Variants in DACH1 observed in about 807,000 individuals in gnomAD.
DACH1 encodes dachshund family transcription factor 1.
Under a neutral mutation model 54.2 loss-of-function variants are expected in DACH1, and 12 were observed. The ratio of observed to expected loss-of-function variants is 0.22; its 90% CI spans 0.14 to 0.36. The LOEUF (loss-of-function observed/expected upper bound fraction) is 0.36, where lower values mean the gene tolerates loss of function less well. Among genes scored for constraint, DACH1 ranks in the 10% least tolerant of loss-of-function variants. The pLI is 1.00. For synonymous variants in DACH1, 386 were observed against 366.2 expected (o/e 1.05, Z -0.62); for missense variants, 805 against 929.8 (o/e 0.87, Z 1.75).
chr13:71,701,592 G>A (rs1882139044), intron 1 of DACH1, among the ~76,000 whole-genome samples: 1 of 152,100 alleles, frequency 6.6e-6, no homozygotes, highest in East Asian at 1.9e-4. Flanking sequence ...GGATTGATAG[G>A]AGGTAGTTAA....
intron 2 of DACH1, among the ~76,000 whole-genome samples, chr13:71,639,266 A>G (rs888493325): frequency 1.3e-5 from 2 of 152,164 alleles, no homozygotes; most frequent in Non-Finnish European, 2.9e-5. Context: ...TGAATGATTA[A>G]ATAACCAGAA....
At chr13:71,624,787 C>T (rs150327326) in intron 3 of DACH1, among the ~76,000 whole-genome samples, 6 of 152,018 alleles carry the variant, frequency 3.9e-5, no homozygotes, top group Admixed American at 2.0e-4. Flanking sequence ...AAAGGATTAA[C>T]TCTCATATCC....
intron 5 of DACH1, among the ~76,000 whole-genome samples, chr13:71,559,259 C>G (rs1215955085): frequency 6.6e-6 from 1 of 152,100 alleles, no homozygotes; most frequent in Non-Finnish European, 1.5e-5. Flanking sequence ...TATGGCAATA[C>G]TATGCATTAT....
intron 1 of DACH1, among the ~76,000 whole-genome samples, chr13:71,726,212 A>T (rs1224314974): frequency 2.0e-5 from 3 of 152,116 alleles, no homozygotes; most frequent in Non-Finnish European, 4.4e-5. Flanking sequence ...CGCATGTTGA[A>T]GCCCTATAAG....
chr13:71,766,859 CTTAA>C (rs1478809749), intron 1 of DACH1, among the ~76,000 whole-genome samples: 5 of 151,208 alleles, frequency 3.3e-5, no homozygotes, highest in Admixed American at 6.6e-5. Context: ...AAAGCTCTCA[CTTAA>C]TTAAAGGCCA....
chr13:71,561,459 T>C (rs949765361), intron 4 of DACH1, among the ~76,000 whole-genome samples: 2 of 152,216 alleles, frequency 1.3e-5, no homozygotes, highest in South Asian at 4.1e-4. Context: ...CATGTGACCA[T>C]AGAGGAAGAG....
At chr13:71,719,606 C>T (rs1883138981) in intron 1 of DACH1, among the ~76,000 whole-genome samples, 1 of 152,080 alleles carries the variant, frequency 6.6e-6, no homozygotes, top group East Asian at 1.9e-4. Context: ...ACTTTTCTTT[C>T]CATCAAAAAC....
chr13:71,655,052 T>G (rs1878997286), intron 2 of DACH1, among the ~76,000 whole-genome samples: 1 of 152,192 alleles, frequency 6.6e-6, no homozygotes, highest in Non-Finnish European at 1.5e-5. Flanking sequence ...GCTGAAGATG[T>G]AAAACTAGAA....
chr13:71,620,430 A>G (rs2138540702), intron 3 of DACH1, among the ~76,000 whole-genome samples: 1 of 152,116 alleles, frequency 6.6e-6, no homozygotes, highest in East Asian at 1.9e-4. Flanking sequence ...TTGAAAATCT[A>G]TCTTTTTTTT....
intron 10 of DACH1, among the ~76,000 whole-genome samples, chr13:71,452,730 G>A (rs1225758202): frequency 2.0e-5 from 3 of 152,268 alleles, no homozygotes; most frequent in Non-Finnish European, 4.4e-5. Context: ...GTGGACATTA[G>A]CTAGATTCTA....
chr13:71,657,639 C>A (rs971191834), intron 2 of DACH1, among the ~76,000 whole-genome samples: 21 of 150,270 alleles, frequency 1.4e-4, no homozygotes, highest in African/African-American at 3.9e-4. Flanking sequence ...GCTCATTTGA[C>A]TTTCTAGTGG....
intron 1 of DACH1, among the ~76,000 whole-genome samples, chr13:71,745,728 G>A (rs956927468): frequency 6.6e-6 from 1 of 152,100 alleles, no homozygotes; most frequent in African/African-American, 2.4e-5. Flanking sequence ...TTCACCAACT[G>A]GAGTAAGACT....
At chr13:71,736,485 A>T (rs1021071682) in intron 1 of DACH1, among the ~76,000 whole-genome samples, 2 of 152,168 alleles carry the variant, frequency 1.3e-5, no homozygotes, top group Non-Finnish European at 2.9e-5. Flanking sequence ...TACAGATTTT[A>T]AAATATATAT....
At chr13:71,448,706 T>A (rs1874698851) in intron 10 of DACH1, among the ~76,000 whole-genome samples, 1 of 152,186 alleles carries the variant, frequency 6.6e-6, no homozygotes, top group Non-Finnish European at 1.5e-5. Flanking sequence ...GTTCTTCTCA[T>A]GAAATGCAGA....
intron 3 of DACH1, among the ~76,000 whole-genome samples, chr13:71,626,093 T>C (rs889406325): frequency 4.6e-5 from 7 of 151,914 alleles, no homozygotes; most frequent in African/African-American, 1.7e-4. Context: ...TGCAGTCTTT[T>C]CCTGCCTCTT....
intron 3 of DACH1, among the ~76,000 whole-genome samples, chr13:71,598,710 C>T (rs749062194): frequency 1.3e-5 from 2 of 152,118 alleles, no homozygotes; most frequent in African/African-American, 2.4e-5. Flanking sequence ...ACTCTGTATT[C>T]GAAAATTTAT....
intron 6 of DACH1, among the ~76,000 whole-genome samples, chr13:71,506,680 G>A (rs1304914530): frequency 2.0e-5 from 3 of 151,562 alleles, no homozygotes; most frequent in Non-Finnish European, 2.9e-5. Flanking sequence ...AGTAACCAAA[G>A]CAGCATGGTA....
chr13:71,669,834 A>G (rs1880103747), intron 2 of DACH1, among the ~76,000 whole-genome samples: 1 of 152,200 alleles, frequency 6.6e-6, no homozygotes, highest in Non-Finnish European at 1.5e-5. Context: ...GTAATGGCTG[A>G]ACAAGTGAGG....
intron 3 of DACH1, among the ~76,000 whole-genome samples, chr13:71,608,281 A>G (rs961176817): frequency 6.6e-6 from 1 of 152,180 alleles, no homozygotes; most frequent in East Asian, 1.9e-4. Flanking sequence ...CACTTACAAA[A>G]GACTAATACA....
Sources: allele counts gnomAD v4.1 joint callset (sites outside exome capture counted in the v4.1 genomes callset), GRCh38; gene constraint gnomAD v4.1.1; transcripts MANE v1.5; gene names NCBI Gene and HGNC (gene_info 2026-07-23, HGNC 2026-07-21).